MTRF1: variants seen among roughly 807,000 people sequenced by gnomAD.
The protein encoded by MTRF1 is peptide chain release factor 1, mitochondrial.
Under a neutral mutation model 62.9 loss-of-function variants are expected in MTRF1, and 51 were observed. That is an observed-to-expected ratio of 0.81 (90% CI 0.65 to 1.02). The LOEUF is 1.02. MTRF1 is among the 50% of genes least tolerant of loss of function. MTRF1 has a pLI of 0.00. For missense variants in MTRF1, 446 were observed against 530.0 expected, an observed-to-expected ratio of 0.84 and a Z score of 1.56; for synonymous variants, 158 against 181.9, an observed-to-expected ratio of 0.87 and a Z score of 1.06.
At chr13:41,311,475 A>G in the MTRF1 span, 2 of 1,541,340 alleles carry the variant, frequency 1.3e-6, no homozygotes, top group African/African-American at 1.4e-5. Context: ...CGCGAAGCGG[A>G]GCGCCCGGGC....
the MTRF1 span, among the ~76,000 whole-genome samples, chr13:41,287,139 C>T: frequency 6.6e-6 from 1 of 152,168 alleles, no homozygotes; most frequent in East Asian, 1.9e-4. Context: ...CTATAAAGAA[C>T]AACCACGTGG....
intron 7 of MTRF1, among the ~76,000 whole-genome samples, chr13:41,228,202 C>T (rs2138757370): frequency 6.6e-6 from 1 of 152,176 alleles, no homozygotes; most frequent in East Asian, 1.9e-4. Context: ...AATGTACTTT[C>T]TATAGAGGAG....
At chr13:41,302,149 C>T in the MTRF1 span, among the ~76,000 whole-genome samples, 17 of 152,044 alleles carry the variant, frequency 1.1e-4, no homozygotes, top group African/African-American at 4.1e-4. Flanking sequence ...GCCTCAGACT[C>T]CCGAGTAGCT....
chr13:41,247,322 T>C (rs537864077), intron 5 of MTRF1, among the ~76,000 whole-genome samples: 2 of 152,304 alleles, frequency 1.3e-5, no homozygotes, highest in East Asian at 1.9e-4. Flanking sequence ...TGAAGGTGTA[T>C]TGTGGCCTTG....
In MTRF1 at chr13:41,240,293, T is replaced by A. The variant is rs201315971; in HGVS notation, c.838A>T (p.Met280Leu). ...GGCTGAGGAAGGACAATAACCGACATCGTTCCTGTGTGAATGCGCTGCATC... is the reference window on the plus strand; with the variant it reads ...GGCTGAGGAAGGACAATAACCGACAACGTTCCTGTGTGAATGCGCTGCATC... The part of the protein sequence containing the change: ...SRMQRIHTGT[M>L]SVIVLPQPDE... The change falls in exon 6 of 10, where the codon ATG becomes TTG. Residue 280 changes from methionine to leucine, a missense_variant. Physicochemically the swap from Met to Leu is conservative, Grantham distance 15. Coordinates refer to ENST00000379480, the MANE Select transcript of MTRF1 (RefSeq NM_004294.4). The A allele has an allele frequency of 6.2e-7, 1 of 1,611,724 alleles. No homozygotes were observed. Among genetic ancestry groups the A allele is most frequent in the Admixed American group, 1.7e-5 (1 of 59,692 alleles).
the MTRF1 span, among the ~76,000 whole-genome samples, chr13:41,311,860 C>T: frequency 3.9e-5 from 6 of 152,252 alleles, no homozygotes; most frequent in Non-Finnish European, 8.8e-5. Context: ...TCCGCAGTGC[C>T]CGGGCACAGC....
chr13:41,304,896 A>G, the MTRF1 span, among the ~76,000 whole-genome samples: 3 of 152,254 alleles, frequency 2.0e-5, no homozygotes, highest in African/African-American at 7.2e-5. Flanking sequence ...TTTTCAATTC[A>G]GGCCCAGTTA....
chr13:41,227,677 A>G (rs1405336046), intron 7 of MTRF1, among the ~76,000 whole-genome samples: 2 of 152,264 alleles, frequency 1.3e-5, no homozygotes, highest in African/African-American at 2.4e-5. Context: ...CACAGAAACT[A>G]AAAACCAAAA....
At chr13:41,256,319 T>G (rs1278958130) in intron 2 of MTRF1, among the ~76,000 whole-genome samples, 1 of 134,030 alleles carries the variant, frequency 7.5e-6, no homozygotes, top group Non-Finnish European at 1.6e-5. Flanking sequence ...ACAGACCATC[T>G]GTTGTAGAAT....
At chr13:41,220,111 T>C (rs1260694052) in intron 9 of MTRF1, among the ~76,000 whole-genome samples, 2 of 151,300 alleles carry the variant, frequency 1.3e-5, no homozygotes, top group East Asian at 3.9e-4. Flanking sequence ...GTGGATCACT[T>C]GAGGCCAGGA....
At chr13:41,252,398 C>T in intron 5 of MTRF1, 1 of 299,262 alleles carries the variant, frequency 3.3e-6, no homozygotes. Context: ...ATCTAAGTTC[C>T]TCAGGGGAAT....
the MTRF1 span, among the ~76,000 whole-genome samples, chr13:41,301,240 A>C: frequency 2.0e-5 from 3 of 152,174 alleles, no homozygotes; most frequent in Non-Finnish European, 2.9e-5. Context: ...AGGGGATAGG[A>C]AACTTTTCCC....
chr13:41,280,630 T>C, the MTRF1 span, among the ~76,000 whole-genome samples: 1 of 151,892 alleles, frequency 6.6e-6, no homozygotes, highest in Non-Finnish European at 1.5e-5. Context: ...ATGTCTTATG[T>C]CTCCCTAAAA....
chr13:41,287,036 T>G, the MTRF1 span, among the ~76,000 whole-genome samples: 1 of 152,360 alleles, frequency 6.6e-6, no homozygotes, highest in South Asian at 2.1e-4. Flanking sequence ...ATGCTTAGTG[T>G]TCTTAACATA....
chr13:41,254,450 G>A, intron 3 of MTRF1, 79 bp downstream of exon 3: 1 of 958,432 alleles, frequency 1.0e-6, no homozygotes, highest in South Asian at 1.6e-5. Flanking sequence ...AAACCACTAT[G>A]AGCACCGAAG....
the MTRF1 span, among the ~76,000 whole-genome samples, chr13:41,296,631 T>C: frequency 4.4e-4 from 67 of 152,314 alleles, no homozygotes; most frequent in African/African-American, 1.4e-3. Context: ...GTTATTGATA[T>C]GTGTTTCCAA....
intron 5 of MTRF1, among the ~76,000 whole-genome samples, chr13:41,248,017 C>T (rs1410863526): frequency 6.6e-6 from 1 of 152,134 alleles, no homozygotes; most frequent in African/African-American, 2.4e-5. Flanking sequence ...TGATTATTTT[C>T]TTTTCTCCAA....
rs2034449826 is a variant in MTRF1 at position 41,226,451 on chromosome 13, T to C, written c.1106A>G (p.Gln369Arg). 4 of 1,611,158 alleles carry C rather than the reference T, an allele frequency of 2.5e-6. No individual in the cohort carries two copies. The highest frequency in any genetic ancestry group is 1.7e-5 in the Admixed American group (1 of 59,170). Residue 369 changes from glutamine (Q) to arginine (R), a missense_variant, in exon 8 of 10, where the codon CAA becomes CGA. By Grantham distance (43) the Gln-to-Arg change is conservative (BLOSUM62 1). Coordinates refer to ENST00000379480, the MANE Select transcript of MTRF1 (RefSeq NM_004294.4). ...TCTTACCTGCAGTTTTCTAGCACTT[T>C]GTTGCTGACGCTTGTCTTTCTCAAT... Reference protein sequence around the residue: ...QIIEKDKRQQQSARKLQVGTR... With the variant: ...QIIEKDKRQQRSARKLQVGTR...
chr13:41,303,955 C>T, the MTRF1 span, among the ~76,000 whole-genome samples: 2 of 152,262 alleles, frequency 1.3e-5, no homozygotes, highest in East Asian at 1.9e-4. Flanking sequence ...GGGGTAGGCG[C>T]GTTCCTCCTC....
Sources: allele counts gnomAD v4.1 joint callset (sites outside exome capture counted in the v4.1 genomes callset), GRCh38; gene constraint gnomAD v4.1.1; transcripts MANE v1.5; gene names NCBI Gene and HGNC (gene_info 2026-07-23, HGNC 2026-07-21).